The following CCDC60 variants were observed in gnomAD, a reference collection of about 807,000 sequenced individuals.
The protein encoded by CCDC60 is coiled-coil domain containing 60, also known as coiled-coil domain-containing protein 60.
In CCDC60, 54 loss-of-function variants were observed where a neutral mutation model predicts 63.5. The ratio of observed to expected loss-of-function variants is 0.85; its 90% CI spans 0.68 to 1.07. CCDC60 has a LOEUF of 1.07. CCDC60 is among the 50% of genes least tolerant of loss of function. The probability of loss-of-function intolerance (pLI) is 0.00; values close to 1 mark genes in which losing one functional copy is unlikely to be tolerated. For synonymous variants in CCDC60, 206 were observed against 238.8 expected, an observed-to-expected ratio of 0.86 and a Z score of 1.27; for missense variants, 651 against 684.3, an observed-to-expected ratio of 0.95 and a Z score of 0.54.
intron 1 of CCDC60, among the ~76,000 whole-genome samples, chr12:119,413,718 G>T (rs190253396): frequency 6.6e-6 from 1 of 152,162 alleles, no homozygotes; most frequent in East Asian, 1.9e-4. Flanking sequence ...ATGGAGAGGG[G>T]ATTCCGACTC....
At chr12:119,497,221 G>A (rs1199876395) in intron 5 of CCDC60, among the ~76,000 whole-genome samples, 2 of 152,190 alleles carry the variant, frequency 1.3e-5, no homozygotes, top group Non-Finnish European at 2.9e-5. Flanking sequence ...CTATTTGGTC[G>A]ATGGCACTAA....
intron 5 of CCDC60, among the ~76,000 whole-genome samples, chr12:119,492,951 G>A (rs1010766492): frequency 1.3e-5 from 2 of 152,178 alleles, no homozygotes; most frequent in African/African-American, 4.8e-5. Context: ...CTTCTGAGCA[G>A]AATTTTACCA....
chr12:119,474,482 T>C (rs907045891), intron 3 of CCDC60, among the ~76,000 whole-genome samples: 2 of 152,206 alleles, frequency 1.3e-5, no homozygotes. Flanking sequence ...TTCTTTCACT[T>C]ATAGTGCATT....
At position 119,455,964 on chromosome 12, in the gene CCDC60, GGGGA is replaced by G. The variant is rs1304884270; in HGVS notation, c.171-16016_171-16013del. On this transcript the variant is annotated intron_variant, in intron 2 of 13. Coordinates refer to ENST00000327554, the MANE Select transcript of CCDC60 (RefSeq NM_178499.5). Reference sequence around the variant, plus strand: ...GAGAGAGAAAGGAAGGAAGGAGGGAGGGGAGGGAGGGAGGGAGAGAGAAAGAGAG... The same window carrying G: ...GAGAGAGAAAGGAAGGAAGGAGGGAGGGGAGGGAGGGAGAGAGAAAGAGAG... Among the ~76,000 whole-genome samples the G allele has an allele frequency of 2.4e-4, 32 of 131,612 alleles. 1 individual carries two copies. Among genetic ancestry groups the G allele is most frequent in the South Asian group, 1.8e-3 (7 of 3,868 alleles). The allele number at this position is 131,612 out of a possible 152,430, so 86.3% of individuals were successfully genotyped here.
intron 6 of CCDC60, among the ~76,000 whole-genome samples, chr12:119,501,660 C>T (rs1431795377): frequency 2.6e-5 from 4 of 152,102 alleles, no homozygotes; most frequent in African/African-American, 7.2e-5. Context: ...TATGGAGATA[C>T]AGTGTGCATC....
At chr12:119,379,744 G>T (rs1955989424) in intron 1 of CCDC60, among the ~76,000 whole-genome samples, 1 of 152,308 alleles carries the variant, frequency 6.6e-6, no homozygotes, top group South Asian at 2.1e-4. Flanking sequence ...ATATGGAAAG[G>T]CGATGACTGG....
At chr12:119,512,561 A>G (rs550433415) in intron 7 of CCDC60, among the ~76,000 whole-genome samples, 1 of 152,304 alleles carries the variant, frequency 6.6e-6, no homozygotes, top group South Asian at 2.1e-4. Flanking sequence ...GGTGCAATGG[A>G]TGGAGATGGG....
intron 1 of CCDC60, among the ~76,000 whole-genome samples, chr12:119,389,929 C>T (rs1357851474): frequency 2.0e-5 from 3 of 152,162 alleles, no homozygotes; most frequent in Non-Finnish European, 4.4e-5. Flanking sequence ...TTCTCTGCAT[C>T]AGGAAGACAC....
chr12:119,393,223 A>T (rs1956191613), intron 1 of CCDC60, among the ~76,000 whole-genome samples: 1 of 152,158 alleles, frequency 6.6e-6, no homozygotes. Context: ...GGCTCATTAA[A>T]TCTCTAATTA....
At chr12:119,415,961 G>A (rs528807839) in intron 1 of CCDC60, among the ~76,000 whole-genome samples, 1 of 152,280 alleles carries the variant, frequency 6.6e-6, no homozygotes, top group African/African-American at 2.4e-5. Flanking sequence ...AAGGATTGGA[G>A]GGTACTGAGC....
intron 1 of CCDC60, among the ~76,000 whole-genome samples, chr12:119,400,699 C>T (rs2136222284): frequency 6.6e-6 from 1 of 152,334 alleles, no homozygotes; most frequent in South Asian, 2.1e-4. Context: ...GAATGTAGTC[C>T]ATGAATTTGC....
At chr12:119,421,446 T>C (rs1956811613) in intron 1 of CCDC60, among the ~76,000 whole-genome samples, 2 of 152,200 alleles carry the variant, frequency 1.3e-5, no homozygotes. Context: ...AACACAGTCG[T>C]CAATGTCACT....
intron 6 of CCDC60, 36 bp from the exon 7 acceptor site, chr12:119,505,033 C>G (rs1323973215): frequency 4.0e-6 from 6 of 1,483,410 alleles, no homozygotes; most frequent in Non-Finnish European, 5.5e-6. Context: ...TTTTCCCCCT[C>G]CTTCCTGAAA....
chr12:119,343,336 C>T (rs957208195), intron 1 of CCDC60, among the ~76,000 whole-genome samples: 37 of 152,002 alleles, frequency 2.4e-4, no homozygotes, highest in African/African-American at 8.9e-4. Flanking sequence ...GGAAATGCCT[C>T]GGGGTTTCTG....
chr12:119,472,576 C>CTTTTT (rs11303138), intron 3 of CCDC60, among the ~76,000 whole-genome samples: 3 of 97,646 alleles, frequency 3.1e-5, no homozygotes, highest in Non-Finnish European at 5.8e-5. Flanking sequence ...AAAATGCCTC[C>CTTTTT]TTTTTTTTTT....
chr12:119,370,409 C>T (rs940568560), intron 1 of CCDC60, among the ~76,000 whole-genome samples: 7 of 152,174 alleles, frequency 4.6e-5, no homozygotes, highest in Non-Finnish European at 7.3e-5. Context: ...AATATCATGT[C>T]GAGTTGAGAA....
intron 5 of CCDC60, among the ~76,000 whole-genome samples, chr12:119,493,340 T>C (rs1435482739): frequency 6.6e-6 from 1 of 152,120 alleles, no homozygotes; most frequent in Non-Finnish European, 1.5e-5. Flanking sequence ...AGTGGTTCGA[T>C]ACCTCAATGA....
At chr12:119,517,637 G>GCA (rs1952389323) in intron 8 of CCDC60, among the ~76,000 whole-genome samples, 1 of 152,128 alleles carries the variant, frequency 6.6e-6, no homozygotes, top group African/African-American at 2.4e-5. Context: ...ATTATAGGCA[G>GCA]CACATGTGCA....
chr12:119,523,855 T>G, intron 11 of CCDC60, 37 bp downstream of exon 11: 1 of 1,606,670 alleles, frequency 6.2e-7, no homozygotes, highest in Non-Finnish European at 8.5e-7. Context: ...TCAAACAGCA[T>G]TCACTGGGTA....
Sources: gnomAD v4.1 joint callset for allele counts (sites outside exome capture counted in the v4.1 genomes callset) on GRCh38, gnomAD v4.1.1 for gene constraint, MANE v1.5 for transcripts, NCBI Gene and HGNC (gene_info 2026-07-23, HGNC 2026-07-21) for gene names.